WDFY4: variants seen among roughly 807,000 people sequenced by gnomAD.
WDFY4 encodes WD repeat- and FYVE domain-containing protein 4.
Under a neutral mutation model 351.9 loss-of-function variants are expected in WDFY4, and 169 were observed. The observed-to-expected ratio is 0.48, with a 90% confidence interval of 0.42 to 0.55. The LOEUF is 0.55. Among genes scored for constraint, WDFY4 ranks in the 20% least tolerant of loss-of-function variants. The pLI is 0.00. For missense variants in WDFY4, 3,803 were observed against 3,935.6 expected (o/e 0.97, Z 0.90); for synonymous variants, 1,622 against 1,574.6 (o/e 1.03, Z -0.71).
chr10:48,941,738 C>A (rs1840775954), intron 47 of WDFY4, 68 bp from the exon 48 acceptor site: 1 of 1,517,526 alleles, frequency 6.6e-7, no homozygotes. Context: ...CAGGCAAGCC[C>A]CACCTCTCCC....
intron 39 of WDFY4, among the ~76,000 whole-genome samples, chr10:48,854,870 A>G (rs1430448667): frequency 6.6e-6 from 1 of 152,220 alleles, no homozygotes; most frequent in Non-Finnish European, 1.5e-5. Context: ...AGGTCCCCTA[A>G]GAGTTCTGTA....
At chr10:48,750,811 T>A (rs1283627756) in intron 12 of WDFY4, among the ~76,000 whole-genome samples, 1 of 152,272 alleles carries the variant, frequency 6.6e-6, no homozygotes, top group African/African-American at 2.4e-5. Context: ...TTACCACTGT[T>A]GAAATAAGAT....
intron 30 of WDFY4, among the ~76,000 whole-genome samples, chr10:48,813,542 A>G (rs2067525386): frequency 6.6e-6 from 1 of 152,226 alleles, no homozygotes; most frequent in African/African-American, 2.4e-5. Context: ...GAGCTCAGCT[A>G]TTAAAAAGGC....
At chr10:48,847,415 C>T (rs1266482664) in intron 39 of WDFY4, among the ~76,000 whole-genome samples, 1 of 152,166 alleles carries the variant, frequency 6.6e-6, no homozygotes, top group Non-Finnish European at 1.5e-5. Flanking sequence ...ATCAGTGCCT[C>T]ACGTCTCAAT....
At chr10:48,895,831 C>T (rs1837049688) in intron 44 of WDFY4, among the ~76,000 whole-genome samples, 1 of 152,192 alleles carries the variant, frequency 6.6e-6, no homozygotes, top group Non-Finnish European at 1.5e-5. Flanking sequence ...CCCCTCATAA[C>T]TCTCCAAGGG....
chr10:48,805,483 C>T, intron 26 of WDFY4, 62 bp downstream of exon 26: 1 of 1,511,600 alleles, frequency 6.6e-7, no homozygotes, highest in Non-Finnish European at 8.8e-7. Context: ...AAAGGGAGGA[C>T]AGACCCCAGC....
intron 51 of WDFY4, among the ~76,000 whole-genome samples, chr10:48,950,406 T>C (rs1841266076): frequency 6.6e-6 from 1 of 152,236 alleles, no homozygotes; most frequent in Non-Finnish European, 1.5e-5. Context: ...CCTGTATTTG[T>C]AGACCACATG....
At chr10:48,900,583 C>T (rs1028252992) in intron 46 of WDFY4, among the ~76,000 whole-genome samples, 2 of 152,218 alleles carry the variant, frequency 1.3e-5, no homozygotes, top group African/African-American at 4.8e-5. Flanking sequence ...AAAAATTACG[C>T]AGCTACCACA....
intron 6 of WDFY4, 66 bp from the exon 7 acceptor site, chr10:48,727,404 T>C: frequency 2.7e-6 from 4 of 1,471,318 alleles, no homozygotes; most frequent in Non-Finnish European, 3.7e-6. Context: ...GGGAGGTAGG[T>C]GGACCATGGC....
At chr10:48,875,723 C>T (rs1385337372) in intron 42 of WDFY4, among the ~76,000 whole-genome samples, 3 of 152,212 alleles carry the variant, frequency 2.0e-5, no homozygotes, top group African/African-American at 4.8e-5. Flanking sequence ...CCAATGACTA[C>T]TTGTTACTGC....
intron 51 of WDFY4, among the ~76,000 whole-genome samples, chr10:48,948,178 C>T (rs1388892754): frequency 2.2e-4 from 33 of 152,196 alleles, no homozygotes; most frequent in Admixed American, 2.2e-3. Flanking sequence ...GCGCAGCCTT[C>T]TCCCTCCTTG....
chr10:48,778,461 G>A (rs2066109135), intron 17 of WDFY4, 150 bp from the exon 18 acceptor site: 1 of 778,882 alleles, frequency 1.3e-6, no homozygotes, highest in Non-Finnish European at 2.0e-6. Context: ...TGGCAAGGCA[G>A]CATGCCATAA....
At chr10:48,688,947 G>A (rs1190246401) in intron 1 of WDFY4, among the ~76,000 whole-genome samples, 1 of 152,152 alleles carries the variant, frequency 6.6e-6, no homozygotes, top group Non-Finnish European at 1.5e-5. Context: ...TTTGGAAGGT[G>A]GAAGTAGAAG....
intron 13 of WDFY4, among the ~76,000 whole-genome samples, chr10:48,767,219 A>G (rs1309322864): frequency 6.6e-6 from 1 of 152,210 alleles, no homozygotes; most frequent in African/African-American, 2.4e-5. Context: ...CTCATCTGCA[A>G]AATGGGTGTG....
chr10:48,770,238 A>G (rs2065818272), intron 13 of WDFY4, among the ~76,000 whole-genome samples: 1 of 152,214 alleles, frequency 6.6e-6, no homozygotes. Flanking sequence ...TCATTAGACA[A>G]GATCAGCATT....
intron 12 of WDFY4, among the ~76,000 whole-genome samples, chr10:48,757,405 T>C (rs2065369325): frequency 1.3e-5 from 2 of 152,138 alleles, no homozygotes; most frequent in Non-Finnish European, 2.9e-5. Flanking sequence ...TGCTCTAAAG[T>C]CTGTTTTCCC....
chr10:48,760,513 C>A, intron 13 of WDFY4, 73 bp downstream of exon 13: 1 of 1,460,642 alleles, frequency 6.8e-7, no homozygotes, highest in Non-Finnish European at 9.4e-7. Flanking sequence ...TGACCCAAGA[C>A]AGCTTTTTTC....
chr10:48,943,190 T>G, intron 48 of WDFY4, 140 bp from the exon 49 acceptor site: 5 of 915,786 alleles, frequency 5.5e-6, no homozygotes, highest in Non-Finnish European at 8.0e-6. Context: ...GCATGAGATG[T>G]GCACAAAGTA....
intron 24 of WDFY4, among the ~76,000 whole-genome samples, chr10:48,802,121 T>C (rs940411741): frequency 5.3e-5 from 8 of 151,510 alleles, no homozygotes; most frequent in African/African-American, 1.9e-4. Context: ...ACACCTGTAA[T>C]CCTAGCAATT....
Sources: allele counts gnomAD v4.1 joint callset (sites outside exome capture counted in the v4.1 genomes callset), GRCh38; gene constraint gnomAD v4.1.1; transcripts MANE v1.5; gene names NCBI Gene and HGNC (gene_info 2026-07-23, HGNC 2026-07-21).